CRACDL: variants seen among roughly 807,000 people sequenced by gnomAD.
The protein encoded by CRACDL is CRACD-like protein.
Under a neutral mutation model 70.6 loss-of-function variants are expected in CRACDL, and 26 were observed. The observed-to-expected ratio is 0.37, with a 90% confidence interval of 0.27 to 0.51. The LOEUF (loss-of-function observed/expected upper bound fraction) is 0.51. Ranked by LOEUF, CRACDL falls within the 20% of genes least tolerant of loss-of-function variation. The pLI is 0.94. For synonymous variants in CRACDL, 618 were observed against 615.2 expected (o/e 1.00, Z -0.07); for missense variants, 1,283 against 1,376.9 (o/e 0.93, Z 1.08).
At chr2:98,799,527 C>A (rs1212921224) in intron 7 of CRACDL, among the ~76,000 whole-genome samples, 1 of 152,192 alleles carries the variant, frequency 6.6e-6, no homozygotes, top group Non-Finnish European at 1.5e-5. Flanking sequence ...ACCTCTTGGA[C>A]TCATCCTACC....
chr2:98,930,787 C>T (rs1267343922), intron 1 of CRACDL, among the ~76,000 whole-genome samples: 1 of 152,114 alleles, frequency 6.6e-6, no homozygotes, highest in Non-Finnish European at 1.5e-5. Context: ...CCCTTTATTG[C>T]TTTAGGGAAC....
chr2:98,805,079 C>A (rs1422274461), intron 7 of CRACDL, among the ~76,000 whole-genome samples: 1 of 152,122 alleles, frequency 6.6e-6, no homozygotes, highest in Admixed American at 6.5e-5. Context: ...GCCATCAGGA[C>A]CAGAGGATCT....
intron 3 of CRACDL, among the ~76,000 whole-genome samples, chr2:98,836,292 A>T (rs1705778322): frequency 6.6e-6 from 1 of 152,138 alleles, no homozygotes; most frequent in Non-Finnish European, 1.5e-5. Flanking sequence ...CCCCACAGTG[A>T]TGGATGAGAA....
chr2:98,867,779 C>T (rs570150608), intron 1 of CRACDL, among the ~76,000 whole-genome samples: 4 of 152,264 alleles, frequency 2.6e-5, no homozygotes, highest in African/African-American at 7.2e-5. Context: ...AACAGGACAC[C>T]GAAGCCCTGG....
At chr2:98,934,172 A>C (rs900115881) in intron 1 of CRACDL, among the ~76,000 whole-genome samples, 2 of 149,390 alleles carry the variant, frequency 1.3e-5, no homozygotes, top group African/African-American at 2.5e-5. Context: ...TGAATGGTGC[A>C]CTGAGATTGG....
At position 98,822,670 on chromosome 2, in the gene CRACDL, C is replaced by T. The variant is rs1472751911; in HGVS notation, c.1603G>A (p.Ala535Thr). Residue 535 changes from alanine to threonine, a missense_variant, in exon 7 of 10, where the codon GCC becomes ACC. Physicochemically the swap from Ala to Thr is moderately conservative, Grantham distance 58. Transcript: ENST00000397899. The surrounding 1 kb of genome is among the most constrained non-coding windows in gnomAD (Gnocchi z 4.9). ...PGPGSLDAEA[A>T]APERPKAERA... ...TCGGCCTTGGGGCGCTCCGGGGCGG[C>T]GGCCTCTGCGTCGAGGGAACCGGGG... 4 of 1,281,456 alleles carry T rather than the reference C, an allele frequency of 3.1e-6. No homozygotes were observed. Among genetic ancestry groups the T allele is most frequent in the Middle Eastern group, 6.0e-4 (2 of 3,328 alleles). 79.4% of individuals were successfully genotyped at this position (1,281,456 alleles called of 1,614,324 possible).
Position 98,822,539 on chromosome 2 carries a change from C to G in CRACDL, c.1734G>C (p.Ser578=). 2.0e-6 allele frequency: 3 copies of G among 1,465,922 alleles called. No individual in the cohort carries two copies. The highest frequency in any genetic ancestry group is 2.7e-6 in the Non-Finnish European group (3 of 1,116,648). 90.8% of individuals were successfully genotyped at this position (1,465,922 alleles called of 1,614,324 possible). A position where few individuals can be genotyped will look rare whatever the true frequency, so the allele number is the denominator to read the frequency against. Residue 578 remains serine, a synonymous_variant, in exon 7 of 10, where the codon TCG becomes TCC. Coordinates refer to ENST00000397899, the MANE Select transcript of CRACDL (RefSeq NM_207362.3). This position sits in a 1 kb window ranked among gnomAD's most constrained non-coding sequence, Gnocchi z 4.9. ...LRGAKKFSVS[S]CRARPRPGVS... is the part of the protein sequence containing the mutation. ...CGCCCGGACGAGGCCGCGCTCGGCA[C>G]GAGGACACCGAGAACTTCTTCGCGC...
chr2:98,808,274 A>AT (rs1704403822), intron 7 of CRACDL, among the ~76,000 whole-genome samples: 1 of 152,176 alleles, frequency 6.6e-6, no homozygotes. Context: ...AGAGCCCAGT[A>AT]TCTCAACATT....
intron 1 of CRACDL, among the ~76,000 whole-genome samples, chr2:98,924,069 G>T (rs145812561): frequency 6.6e-6 from 1 of 152,332 alleles, no homozygotes; most frequent in East Asian, 1.9e-4. Flanking sequence ...GTTTATTTAG[G>T]AATTGGGGAG....
intron 6 of CRACDL, among the ~76,000 whole-genome samples, chr2:98,826,318 C>T (rs978141267): frequency 1.3e-5 from 2 of 152,208 alleles, no homozygotes; most frequent in East Asian, 3.8e-4. Flanking sequence ...TTCATTCACT[C>T]ATTTGTTAAT....
At chr2:98,913,830 T>C (rs1708602169) in intron 1 of CRACDL, among the ~76,000 whole-genome samples, 2 of 152,230 alleles carry the variant, frequency 1.3e-5, no homozygotes, top group Non-Finnish European at 2.9e-5. Flanking sequence ...AGCTAAGCTA[T>C]GTGAGAGCCC....
rs745321013 is a variant in CRACDL, at chr2:98,832,835, AG to A, written c.375+26del. 6 of 1,612,638 alleles carry A rather than the reference AG, an allele frequency of 3.7e-6. No individual in the cohort carries two copies. In the Admixed American group the frequency reaches 1.0e-4, roughly 27 times the overall value. Reference sequence around the variant, plus strand: ...TTGATGGATATTTGACTTGCACACCAGGCGACATGACCAAGGAAACATTTAC... The same window carrying A: ...TTGATGGATATTTGACTTGCACACCAGCGACATGACCAAGGAAACATTTAC... On this transcript the variant is annotated intron_variant, in intron 4 of 9. Coordinates refer to ENST00000397899, the MANE Select transcript of CRACDL (RefSeq NM_207362.3).
chr2:98,829,019 A>G (rs1394982284), intron 5 of CRACDL, among the ~76,000 whole-genome samples: 1 of 152,254 alleles, frequency 6.6e-6, no homozygotes, highest in African/African-American at 2.4e-5. Flanking sequence ...ACAATGTATA[A>G]ACATTTGGTT....
Position 98,821,901 on chromosome 2 carries a change from T to A in CRACDL, c.2372A>T (p.Lys791Met). 1 of 1,603,670 alleles carries A rather than the reference T, an allele frequency of 6.2e-7. No individual in the cohort carries two copies. The highest frequency in any genetic ancestry group is 8.5e-7 in the Non-Finnish European group (1 of 1,177,642). Reference protein sequence around the residue: ...DAGPGEREPRKEPRTAEKRPL... With the variant: ...DAGPGEREPRMEPRTAEKRPL... ...CCTTTTCTCCGCCGTCCTGGGCTCC[T>A]TCCTGGGTTCCCGCTCTCCCGGGCC... The change falls in exon 7 of 10, where the codon AAG (lysine) becomes ATG (methionine). Residue 791 changes from lysine (K) to methionine (M), a missense_variant. Lys to Met is a moderately conservative substitution (Grantham distance 95). Around this residue, in one of 2 missense-constraint regions of CRACDL, gnomAD observed 921 missense variants for 881.9 expected, o/e 1.04. Coordinates refer to ENST00000397899, the MANE Select transcript of CRACDL (RefSeq NM_207362.3).
chr2:98,927,337 G>A (rs1285858183), intron 1 of CRACDL, among the ~76,000 whole-genome samples: 1 of 152,222 alleles, frequency 6.6e-6, no homozygotes, highest in Non-Finnish European at 1.5e-5. Flanking sequence ...ACTCTGCGGT[G>A]GTTCCTGAGC....
At chr2:98,832,751 C>T (rs990662983) in intron 4 of CRACDL, 111 bp downstream of exon 4, 9 of 1,370,168 alleles carry the variant, frequency 6.6e-6, no homozygotes, top group Middle Eastern at 1.8e-4. Flanking sequence ...CTGTCATGTA[C>T]ATGTGATTCT....
intron 1 of CRACDL, among the ~76,000 whole-genome samples, chr2:98,863,086 CCA>C (rs1327608543): frequency 2.6e-5 from 4 of 151,644 alleles, no homozygotes; most frequent in Admixed American, 1.3e-4. Flanking sequence ...GAACTTAAGC[CCA>C]CAACAAGACA....
intron 3 of CRACDL, among the ~76,000 whole-genome samples, chr2:98,833,215 G>C (rs923370070): frequency 6.6e-6 from 1 of 152,242 alleles, no homozygotes; most frequent in Non-Finnish European, 1.5e-5. Context: ...TTTCCTAGGA[G>C]ATCTAAAGGT....
At chr2:98,859,847 G>C (rs1484359624) in intron 1 of CRACDL, among the ~76,000 whole-genome samples, 1 of 152,112 alleles carries the variant, frequency 6.6e-6, no homozygotes. Context: ...CACTGAGATT[G>C]AAAGGGAAAA....
Sources: gnomAD v4.1 joint callset for allele counts (sites outside exome capture counted in the v4.1 genomes callset) on GRCh38, gnomAD v4.1.1 for gene constraint, gnomAD v4.1.1 regional missense constraint, Gnocchi (gnomAD v3.1) non-coding constraint, MANE v1.5 for transcripts, NCBI Gene and HGNC (gene_info 2026-07-23, HGNC 2026-07-21) for gene names.